SLC12A7: variants seen among roughly 807,000 people sequenced by gnomAD.
The protein encoded by SLC12A7 is K-Cl cotransporter 4.
SLC12A7 carries 100 observed loss-of-function variants against 120.6 expected under a neutral mutation model. That is an observed-to-expected ratio of 0.83 (90% CI 0.71 to 0.98). The LOEUF (loss-of-function observed/expected upper bound fraction) is 0.98. Among genes scored for constraint, SLC12A7 ranks in the 50% least tolerant of loss-of-function variants. The pLI is 0.00. For missense variants in SLC12A7, 1,373 were observed against 1,548.1 expected, an observed-to-expected ratio of 0.89 and a Z score of 1.90; for synonymous variants, 760 against 678.0, an observed-to-expected ratio of 1.12 and a Z score of -1.88.
intron 17 of SLC12A7, among the ~76,000 whole-genome samples, chr5:1,069,668 G>C (rs1473811792): frequency 6.6e-6 from 1 of 152,214 alleles, no homozygotes; most frequent in Non-Finnish European, 1.5e-5. Flanking sequence ...AATCACGCAG[G>C]TGGGCACTCA....
Position 1,085,454 on chromosome 5 carries a change from G to A in SLC12A7, c.695C>T (p.Ala232Val), listed in dbSNP as rs763301093. The A allele has an allele frequency of 2.4e-5, 39 of 1,607,192 alleles. No homozygotes were observed. The highest frequency in any genetic ancestry group is 3.3e-5 in the South Asian group (3 of 90,124). ...TGCAGCCTCCGCCTGGAAGATGGCC[G>A]CACCCGGGGAGATGTACGTCTGTGG... ...EIFLTYISPG[A>V]AIFQAEAAGG... is the part of the protein sequence containing the mutation. The change falls in exon 7 of 24, where the codon GCG becomes GTG. Residue 232 changes from alanine (A) to valine (V), a missense_variant. Transcript: ENST00000264930.
intron 1 of SLC12A7, among the ~76,000 whole-genome samples, chr5:1,104,927 C>G (rs1742366712): frequency 6.6e-6 from 1 of 151,476 alleles, no homozygotes; most frequent in Non-Finnish European, 1.5e-5. Flanking sequence ...ACGCCCCTCC[C>G]CGCAGGGGTG....
chr5:1,050,608 G>A lies in SLC12A7; in HGVS notation c.*1752C>T. On this transcript the variant is annotated 3_prime_UTR_variant, in exon 24 of 24. Coordinates refer to ENST00000264930, the MANE Select transcript of SLC12A7 (RefSeq NM_006598.3). ...GAACTGAGCGGCCCTCAGAAGCAGG[G>A]CTGTTTTCCAGCCACCAACCAACGT... 2.7e-6 allele frequency: 1 copy of A among 364,890 alleles called. No individual in the cohort carries two copies. The highest frequency in any genetic ancestry group is 4.9e-6 in the Non-Finnish European group (1 of 205,326). The allele number at this position is 364,890 out of a possible 1,614,324, so 22.6% of individuals were successfully genotyped here. A position where few individuals can be genotyped will look rare whatever the true frequency, so the allele number is the denominator to read the frequency against.
the SLC12A7 span, among the ~76,000 whole-genome samples, chr5:1,145,707 T>C: frequency 2.0e-5 from 3 of 152,128 alleles, no homozygotes; most frequent in South Asian, 6.2e-4. This position sits in a 1 kb window ranked among gnomAD's most constrained non-coding sequence, Gnocchi z 4.4. Flanking sequence ...TGAATTGATT[T>C]AATCAAACTG....
chr5:1,079,393 G>A lies in SLC12A7; in HGVS notation c.1396+5C>T, dbSNP rs1270119129. ...GAACCCTCGCCTGCACCCCTCCAAG[G>A]ATACAGATGAAAGACGTCGTCACTA... is the stretch of plus-strand genomic sequence containing the variant. On this transcript the variant is annotated splice_donor_5th_base_variant and intron_variant, in intron 10 of 23. Coordinates refer to ENST00000264930, the MANE Select transcript of SLC12A7 (RefSeq NM_006598.3). 5.0e-6 allele frequency: 8 copies of A among 1,610,320 alleles called. No homozygotes were observed. The highest frequency in any genetic ancestry group is 2.7e-5 in the African/African-American group (2 of 74,892).
At chr5:1,106,323 C>T (rs1187894109) in intron 1 of SLC12A7, among the ~76,000 whole-genome samples, 2 of 152,130 alleles carry the variant, frequency 1.3e-5, no homozygotes, top group Admixed American at 1.3e-4. Flanking sequence ...CGCGGTGGTG[C>T]GTGCCTGTGG....
chr5:1,128,516 T>C, the SLC12A7 span, among the ~76,000 whole-genome samples: 2 of 152,228 alleles, frequency 1.3e-5, no homozygotes, highest in Non-Finnish European at 2.9e-5. Flanking sequence ...TGGAAGGTTC[T>C]AGAATTCATC....
chr5:1,081,009 CAGACAGACAGACAGAG>C (rs1561070027), intron 9 of SLC12A7, among the ~76,000 whole-genome samples: 1 of 62,554 alleles, frequency 1.6e-5, no homozygotes, highest in East Asian at 4.0e-4. Context: ...GAGAGAGAGA[CAGACAGACAGACAGAG>C]AGAGAGAGAG....
intron 1 of SLC12A7, among the ~76,000 whole-genome samples, chr5:1,106,062 T>C (rs942404910): frequency 1.1e-4 from 16 of 152,282 alleles, no homozygotes; most frequent in African/African-American, 3.6e-4. Context: ...ATGGAGCCGG[T>C]TGAAATCAAA....
rs753327979 is a variant in SLC12A7, at chr5:1,075,405, C to T, written c.1933G>A (p.Ala645Thr). 7 of 1,612,176 alleles carry T rather than the reference C, an allele frequency of 4.3e-6. No individual in the cohort carries two copies. The highest frequency in any genetic ancestry group is 4.5e-5 in the East Asian group (2 of 44,864). ...TCGATGTACTTGTAGATGCAGCCAG[C>T]GATGAGCATGGCGGACAGCGCGTAG... Reference protein sequence around the residue: ...WYYALSAMLIAGCIYKYIEYR... With the variant: ...WYYALSAMLITGCIYKYIEYR... Residue 645 changes from alanine to threonine, a missense_variant, in exon 15 of 24, where the codon GCT becomes ACT. Coordinates refer to ENST00000264930, the MANE Select transcript of SLC12A7 (RefSeq NM_006598.3).
the SLC12A7 span, among the ~76,000 whole-genome samples, chr5:1,118,185 T>C: frequency 6.6e-6 from 1 of 151,852 alleles, no homozygotes; most frequent in South Asian, 2.1e-4. Context: ...TCTTTCCCTA[T>C]TGCGATTCCC....
At chr5:1,101,268 C>T (rs1741984857) in intron 1 of SLC12A7, among the ~76,000 whole-genome samples, 1 of 152,212 alleles carries the variant, frequency 6.6e-6, no homozygotes, top group African/African-American at 2.4e-5. Flanking sequence ...AAAGCAGTTC[C>T]AGCAGCAGCT....
chr5:1,134,925 G>A, the SLC12A7 span, among the ~76,000 whole-genome samples: 3 of 152,156 alleles, frequency 2.0e-5, no homozygotes, highest in South Asian at 2.1e-4. Context: ...CCAGGAGTTC[G>A]AGACCAGCCT....
In SLC12A7 at chr5:1,060,511, C is replaced by A. The variant is rs1579317649; in HGVS notation, c.2740-60G>T. 64 of 1,337,202 alleles carry A rather than the reference C, an allele frequency of 4.8e-5. No individual in the cohort carries two copies. In the East Asian group the frequency reaches 1.4e-3, roughly 30 times the overall value. 82.8% of individuals were successfully genotyped at this position (1,337,202 alleles called of 1,614,324 possible). ...TGCACAGAACCACGGATGGCTCCAACACCAGCCCGGTACCCAGAGACCGAG... is the reference window on the plus strand; with the variant it reads ...TGCACAGAACCACGGATGGCTCCAAAACCAGCCCGGTACCCAGAGACCGAG... On this transcript the variant is annotated intron_variant, in intron 20 of 23. Transcript: ENST00000264930.
chr5:1,093,674 G>A lies in SLC12A7; in HGVS notation c.220-19C>T. ...TCTCCTCCTGCGCGGCGTGGACATG[G>A]TCACAGGCGGCCCGCACCTCGCCGT... On this transcript the variant is annotated intron_variant, in intron 2 of 23. Coordinates refer to ENST00000264930, the MANE Select transcript of SLC12A7 (RefSeq NM_006598.3). The A allele has an allele frequency of 6.2e-7, 1 of 1,611,536 alleles. No homozygotes were observed. The highest frequency in any genetic ancestry group is 8.5e-7 in the Non-Finnish European group (1 of 1,178,902).
the SLC12A7 span, among the ~76,000 whole-genome samples, chr5:1,118,555 C>T: frequency 2.0e-5 from 3 of 152,212 alleles, no homozygotes; most frequent in African/African-American, 7.2e-5. Context: ...TGGCCAAATG[C>T]GAAGGCCGCC....
rs527461862 is a variant in SLC12A7 at position 1,079,456 on chromosome 5, A to T, written c.1338T>A (p.Asp446Glu). 6.2e-7 allele frequency: 1 copy of T among 1,612,754 alleles called. No homozygotes were observed. The highest frequency in any genetic ancestry group is 1.1e-5 in the South Asian group (1 of 91,086). ...AGSNRSGDLK[D>E]AQKSIPTGTI... The stretch of plus-strand genomic sequence containing the variant: ...TCCCCGTGGGGATGGACTTCTGTGC[A>T]TCCTTGAGGTCCCCGGACCGGTTTG... The change falls in exon 10 of 24, where the codon GAT becomes GAA. Residue 446 changes from aspartate (D) to glutamate (E), a missense_variant. Physicochemically the swap from Asp to Glu is conservative, Grantham distance 45. Transcript: ENST00000264930.
At chr5:1,131,282 GTC>G in the SLC12A7 span, among the ~76,000 whole-genome samples, 1 of 152,182 alleles carries the variant, frequency 6.6e-6, no homozygotes, top group African/African-American at 2.4e-5. Context: ...CTTGCCAAGA[GTC>G]ACCCAGAGGC....
the SLC12A7 span, among the ~76,000 whole-genome samples, chr5:1,144,437 C>G: frequency 6.6e-6 from 1 of 152,258 alleles, no homozygotes; most frequent in Admixed American, 6.5e-5. Flanking sequence ...GCCGCCGCCA[C>G]TGCCCCCACC....
Sources: gnomAD v4.1 joint callset for allele counts (sites outside exome capture counted in the v4.1 genomes callset) on GRCh38, gnomAD v4.1.1 for gene constraint, Gnocchi (gnomAD v3.1) non-coding constraint, MANE v1.5 for transcripts, NCBI Gene and HGNC (gene_info 2026-07-23, HGNC 2026-07-21) for gene names.